ZNRF1: variants seen among roughly 807,000 people sequenced by gnomAD.
ZNRF1 encodes the protein E3 ubiquitin-protein ligase ZNRF1.
A neutral mutation model predicts 18.4 loss-of-function variants in ZNRF1; 3 were observed. The ratio of observed to expected loss-of-function variants is 0.16; its 90% confidence interval spans 0.07 to 0.42. ZNRF1 has a LOEUF of 0.42. Ranked by LOEUF, ZNRF1 falls within the 10% of genes least tolerant of loss-of-function variation. The pLI is 0.99. For missense variants in ZNRF1, 310 were observed against 329.8 expected, an observed-to-expected ratio of 0.94 and a Z score of 0.47; for synonymous variants, 157 against 144.2, an observed-to-expected ratio of 1.09 and a Z score of -0.64.
intron 1 of ZNRF1, among the ~76,000 whole-genome samples, chr16:75,043,103 A>C (rs553794957): frequency 3.3e-5 from 5 of 152,348 alleles, no homozygotes; most frequent in African/African-American, 9.6e-5. Context: ...ATAAAGAACA[A>C]GTTGAGACTG....
At chr16:75,047,378 G>T (rs2035528917) in intron 1 of ZNRF1, among the ~76,000 whole-genome samples, 1 of 152,192 alleles carries the variant, frequency 6.6e-6, no homozygotes, top group Admixed American at 6.5e-5. Flanking sequence ...TGGCTATGTT[G>T]CCCAGGCTGG....
intron 1 of ZNRF1, among the ~76,000 whole-genome samples, chr16:75,061,438 A>G (rs1355613961): frequency 6.6e-6 from 1 of 152,044 alleles, no homozygotes; most frequent in Non-Finnish European, 1.5e-5. Context: ...TATTTCACTT[A>G]ACATAATGAT....
intron 1 of ZNRF1, among the ~76,000 whole-genome samples, chr16:75,026,297 C>G (rs760478293): frequency 6.6e-5 from 10 of 151,684 alleles, no homozygotes; most frequent in Non-Finnish European, 1.5e-4. Flanking sequence ...TGTGACTGAG[C>G]AACTGTGTGG....
At chr16:75,094,867 C>T (rs143318253) in intron 2 of ZNRF1, among the ~76,000 whole-genome samples, 1 of 152,314 alleles carries the variant, frequency 6.6e-6, no homozygotes, top group African/African-American at 2.4e-5. Flanking sequence ...CTGGTACTGG[C>T]CCACCTTCCC....
chr16:75,087,089 C>G (rs1203798386), intron 1 of ZNRF1, among the ~76,000 whole-genome samples: 3 of 152,164 alleles, frequency 2.0e-5, no homozygotes, highest in Non-Finnish European at 2.9e-5. Flanking sequence ...CATAAAAACT[C>G]GAGTTGATAT....
intron 1 of ZNRF1, among the ~76,000 whole-genome samples, chr16:75,009,192 T>C (rs981777419): frequency 3.9e-5 from 6 of 152,234 alleles, no homozygotes; most frequent in African/African-American, 9.6e-5. Context: ...CTTGGTATTA[T>C]AAGTCTATGT....
rs774538968 is a variant in ZNRF1 at position 75,110,573 on chromosome 16, C to G, written c.*2873C>G. On this transcript the variant is annotated 3_prime_UTR_variant, in exon 5 of 5. Coordinates refer to ENST00000335325, the MANE Select transcript of ZNRF1 (RefSeq NM_032268.5). Reference sequence around the variant, plus strand: ...TAATTTAATTCCAAATAGTTCCCCCCAAAATACACAAAGCAAATAAGGCCA... The same window carrying G: ...TAATTTAATTCCAAATAGTTCCCCCGAAAATACACAAAGCAAATAAGGCCA... 6.6e-6 allele frequency: 1 copy of G among 152,216 alleles called. No homozygotes were observed. The highest frequency in any genetic ancestry group is 1.5e-5 in the Non-Finnish European group (1 of 68,052). 9.4% of individuals were successfully genotyped at this position (152,216 alleles called of 1,614,324 possible). A position where few individuals can be genotyped will look rare whatever the true frequency, so the allele number is the denominator to read the frequency against.
rs9934654 is a variant in ZNRF1 at position 75,095,535 on chromosome 16, G to A, written c.520+1868G>A. 4,891 of 1,434,918 alleles carry A rather than the reference G, an allele frequency of 3.4e-3. 78 individuals carry two copies. The highest frequency in any genetic ancestry group is 0.027 in the South Asian group (1,855 of 68,436). The allele number at this position is 1,434,918 out of a possible 1,614,324, so 88.9% of individuals were successfully genotyped here. On this transcript the variant is annotated intron_variant, in intron 2 of 4. Transcript: ENST00000335325. ...TTTCCCACATGTGTGGAGACCTCAT[G>A]AAGTCCTCCGTTTGTCCTGTGGGTT...
At chr16:75,097,267 C>T (rs866443104) in intron 2 of ZNRF1, among the ~76,000 whole-genome samples, 10 of 152,224 alleles carry the variant, frequency 6.6e-5, no homozygotes, top group African/African-American at 2.2e-4. Flanking sequence ...ATGCTCTGAA[C>T]GGAAGAGCAT....
At chr16:75,057,255 T>G (rs982530844) in intron 1 of ZNRF1, among the ~76,000 whole-genome samples, 31 of 152,306 alleles carry the variant, frequency 2.0e-4, no homozygotes, top group African/African-American at 7.2e-4. Context: ...CATGCCAGAT[T>G]TCTAATATAA....
rs1218188109 is a variant in ZNRF1, at chr16:75,108,963, C to T, written c.*1263C>T. The T allele has an allele frequency of 6.0e-6, 1 of 166,462 alleles. No individual in the cohort carries two copies. The highest frequency in any genetic ancestry group is 1.7e-4 in the East Asian group (1 of 6,048). 10.3% of individuals were successfully genotyped at this position (166,462 alleles called of 1,614,324 possible). On this transcript the variant is annotated 3_prime_UTR_variant, in exon 5 of 5. Transcript: ENST00000335325. ...CCCTCTGTGGAGTCATTGTGCTGGA[C>T]CTCTGAAAAGATCTGCAGGGGCCAA...
chr16:75,093,526 T>A (rs1222547548), intron 1 of ZNRF1, 46 bp from the exon 2 acceptor site: 1 of 1,467,538 alleles, frequency 6.8e-7, no homozygotes, highest in Non-Finnish European at 9.6e-7. Flanking sequence ...ACTGTGGATG[T>A]ACTGGATCTG....
chr16:75,059,232 TTTTTTTTTTTTTC>T, intron 1 of ZNRF1, among the ~76,000 whole-genome samples: 1 of 73,742 alleles, frequency 1.4e-5, no homozygotes, highest in African/African-American at 4.4e-5. Context: ...TTTCTTTCTT[TTTTTTTTTTTTTC>T]TTTTTTTTTT....
intron 1 of ZNRF1, among the ~76,000 whole-genome samples, chr16:75,039,952 A>G (rs1219445455): frequency 6.6e-6 from 1 of 152,126 alleles, no homozygotes; most frequent in Non-Finnish European, 1.5e-5. Context: ...GACATACCAT[A>G]ATATTCATAC....
At chr16:75,042,346 A>G (rs757073081) in intron 1 of ZNRF1, among the ~76,000 whole-genome samples, 2 of 151,966 alleles carry the variant, frequency 1.3e-5, no homozygotes, top group Non-Finnish European at 2.9e-5. Flanking sequence ...TCCTATTTTC[A>G]TCTAGAAGTT....
intron 1 of ZNRF1, among the ~76,000 whole-genome samples, chr16:75,074,984 G>A (rs2035920172): frequency 6.6e-6 from 1 of 151,836 alleles, no homozygotes. Flanking sequence ...CCAAAAGTTC[G>A]CACTGTCCAG....
intron 1 of ZNRF1, among the ~76,000 whole-genome samples, chr16:75,069,842 T>TTGGTATGC (rs1328473403): frequency 2.0e-5 from 3 of 152,218 alleles, no homozygotes; most frequent in African/African-American, 7.2e-5. Context: ...TTCCTAGAAC[T>TTGGTATGC]TGGTATGCCC....
chr16:75,029,863 C>A (rs555516110), intron 1 of ZNRF1, among the ~76,000 whole-genome samples: 1 of 151,990 alleles, frequency 6.6e-6, no homozygotes, highest in African/African-American at 2.4e-5. Context: ...TGTGAAAACC[C>A]ATTTCTACTA....
chr16:75,068,188 TA>T (rs57755915), intron 1 of ZNRF1, among the ~76,000 whole-genome samples: 63,074 of 88,748 alleles, frequency 0.71, 24,394 homozygotes, highest in East Asian at 0.88. Context: ...GACCTTGTCT[TA>T]AAAAAAAAAA....
Sources: allele counts gnomAD v4.1 joint callset (sites outside exome capture counted in the v4.1 genomes callset), GRCh38; gene constraint gnomAD v4.1.1; transcripts MANE v1.5; gene names NCBI Gene and HGNC (gene_info 2026-07-23, HGNC 2026-07-21).